TBC1D5: variants seen among roughly 807,000 people sequenced by gnomAD.
TBC1D5 encodes TBC1 domain family member 5, also known as TBC1 domain family, member 5.
A neutral mutation model predicts 100.3 loss-of-function variants in TBC1D5; 75 were observed. The observed-to-expected ratio is 0.75, with a 90% CI of 0.62 to 0.91. The LOEUF (loss-of-function observed/expected upper bound fraction) is 0.91. Ranked by LOEUF, TBC1D5 falls within the 40% of genes least tolerant of loss-of-function variation. TBC1D5 has a pLI of 0.00. For synonymous variants in TBC1D5, 323 were observed against 325.6 expected (o/e 0.99, Z 0.09); for missense variants, 910 against 942.4 (o/e 0.97, Z 0.45).
chr3:17,593,568 C>T (rs1038069339), intron 2 of TBC1D5, among the ~76,000 whole-genome samples: 1 of 152,182 alleles, frequency 6.6e-6, no homozygotes. Flanking sequence ...ACACTTACTC[C>T]GCTTATGGGT....
At chr3:17,703,907 TTTTTTTG>T (rs2073568197) in intron 1 of TBC1D5, among the ~76,000 whole-genome samples, 2 of 107,244 alleles carry the variant, frequency 1.9e-5, no homozygotes, top group South Asian at 3.6e-4. Flanking sequence ...ATTTGTGTTT[TTTTTTTG>T]TTTTTTTTTT....
intron 15 of TBC1D5, among the ~76,000 whole-genome samples, chr3:17,277,184 T>C (rs1005378138): frequency 6.6e-6 from 1 of 152,212 alleles, no homozygotes; most frequent in Non-Finnish European, 1.5e-5. Flanking sequence ...AGAAGAAAAG[T>C]TGCTCAAGGT....
At chr3:17,654,248 T>C (rs896025366) in intron 1 of TBC1D5, among the ~76,000 whole-genome samples, 1 of 152,188 alleles carries the variant, frequency 6.6e-6, no homozygotes, top group Non-Finnish European at 1.5e-5. Flanking sequence ...AGAATTACAC[T>C]GACAAATTTG....
chr3:17,166,223 A>T (rs1169201790), intron 21 of TBC1D5, among the ~76,000 whole-genome samples: 1 of 152,198 alleles, frequency 6.6e-6, no homozygotes, highest in Non-Finnish European at 1.5e-5. Context: ...TGTGACACAG[A>T]TGACCATATG....
chr3:17,620,028 G>A (rs373458132), intron 2 of TBC1D5, among the ~76,000 whole-genome samples: 1 of 152,194 alleles, frequency 6.6e-6, no homozygotes, highest in African/African-American at 2.4e-5. Flanking sequence ...AAGGCTGTAG[G>A]GAAACAAGCA....
chr3:17,294,465 T>C (rs867982762), intron 14 of TBC1D5, among the ~76,000 whole-genome samples: 1 of 152,300 alleles, frequency 6.6e-6, no homozygotes, highest in South Asian at 2.1e-4. Flanking sequence ...AACAGACTGA[T>C]TTAGATATAA....
chr3:17,376,122 C>T (rs2092697680), intron 10 of TBC1D5, among the ~76,000 whole-genome samples: 1 of 152,098 alleles, frequency 6.6e-6, no homozygotes, highest in Non-Finnish European at 1.5e-5. Flanking sequence ...ATGAATTAAG[C>T]TGAGTCAAAC....
At chr3:17,292,437 A>C (rs1278513138) in intron 14 of TBC1D5, among the ~76,000 whole-genome samples, 1 of 152,140 alleles carries the variant, frequency 6.6e-6, no homozygotes, top group East Asian at 1.9e-4. Context: ...AACTTGTTAC[A>C]TTTTCTTTTG....
chr3:17,644,630 ACTT>A (rs2064844030), intron 1 of TBC1D5, among the ~76,000 whole-genome samples: 1 of 152,158 alleles, frequency 6.6e-6, no homozygotes, highest in Non-Finnish European at 1.5e-5. Flanking sequence ...CATTTTAATT[ACTT>A]CTTAAGAAAG....
At chr3:17,168,883 T>A (rs1484465890) in intron 19 of TBC1D5, among the ~76,000 whole-genome samples, 2 of 152,164 alleles carry the variant, frequency 1.3e-5, no homozygotes, top group East Asian at 3.8e-4. Flanking sequence ...CTAGATTCCA[T>A]GCTTGGCCCC....
chr3:17,254,487 C>A (rs546216364), intron 16 of TBC1D5, among the ~76,000 whole-genome samples: 1 of 152,044 alleles, frequency 6.6e-6, no homozygotes, highest in East Asian at 1.9e-4. Context: ...CTTTTCATAG[C>A]ACATTGATGA....
At chr3:17,604,550 G>A (rs1466297320) in intron 2 of TBC1D5, among the ~76,000 whole-genome samples, 1 of 152,028 alleles carries the variant, frequency 6.6e-6, no homozygotes, top group Non-Finnish European at 1.5e-5. Context: ...ATTTTCTTTT[G>A]ACTATGATTA....
rs193158584 is a variant in TBC1D5 at position 17,351,583 on chromosome 3, G to A, written c.995+20492C>T. Among the ~76,000 whole-genome samples, 244 of 152,134 alleles carry A rather than the reference G, an allele frequency of 1.6e-3. 1 individual carries two copies. The highest frequency in any genetic ancestry group is 2.6e-3 in the Non-Finnish European group (180 of 67,976). Reference sequence around the variant, plus strand: ...ATCATACACCAAGGCCTTTCAGCGGGTGGGGAGCAAGGGGAGGGATAGCAT... The same window carrying A: ...ATCATACACCAAGGCCTTTCAGCGGATGGGGAGCAAGGGGAGGGATAGCAT... On this transcript the variant is annotated intron_variant, in intron 13 of 21. Coordinates refer to ENST00000253692, the Ensembl canonical transcript of TBC1D5.
intron 18 of TBC1D5, among the ~76,000 whole-genome samples, chr3:17,190,555 C>T (rs898484916): frequency 8.5e-5 from 13 of 152,170 alleles, no homozygotes; most frequent in African/African-American, 2.9e-4. Flanking sequence ...GAAAGGCTTC[C>T]CTTCCTCTTC....
intron 3 of TBC1D5, among the ~76,000 whole-genome samples, chr3:17,438,503 T>TC (rs573655199): frequency 2.6e-5 from 4 of 152,120 alleles, no homozygotes; most frequent in Admixed American, 1.3e-4. Flanking sequence ...ATAAGGGGAT[T>TC]CCCCCTTCGC....
At chr3:17,651,510 A>C (rs1393094157) in intron 1 of TBC1D5, among the ~76,000 whole-genome samples, 1 of 152,176 alleles carries the variant, frequency 6.6e-6, no homozygotes, top group Non-Finnish European at 1.5e-5. Context: ...CATATTCAAG[A>C]CCAGTCTGGC....
At chr3:17,593,189 T>C (rs924714500) in intron 2 of TBC1D5, among the ~76,000 whole-genome samples, 7 of 152,068 alleles carry the variant, frequency 4.6e-5, no homozygotes, top group African/African-American at 1.2e-4. Context: ...GACAGAGGAA[T>C]AGAAGATTAG....
At chr3:17,716,233 T>C (rs1293732830) in intron 1 of TBC1D5, among the ~76,000 whole-genome samples, 1 of 152,178 alleles carries the variant, frequency 6.6e-6, no homozygotes, top group Non-Finnish European at 1.5e-5. Context: ...AGAGGTCTAC[T>C]ACCTCCACTA....
intron 1 of TBC1D5, among the ~76,000 whole-genome samples, chr3:17,637,379 A>G (rs2064061437): frequency 6.6e-6 from 1 of 151,118 alleles, no homozygotes; most frequent in Admixed American, 6.6e-5. Context: ...TATTTTTATA[A>G]CCTTGGAATG....
Sources: allele counts gnomAD v4.1 joint callset (sites outside exome capture counted in the v4.1 genomes callset), GRCh38; gene constraint gnomAD v4.1.1; transcripts MANE v1.5; gene names NCBI Gene and HGNC (gene_info 2026-07-23, HGNC 2026-07-21).